TXNDC5: variants seen among roughly 807,000 people sequenced by gnomAD.
TXNDC5 encodes the protein thioredoxin domain containing 5.
A neutral mutation model predicts 52.6 loss-of-function variants in TXNDC5; 44 were observed. The ratio of observed to expected loss-of-function variants is 0.84; its 90% CI spans 0.66 to 1.08. The LOEUF (loss-of-function observed/expected upper bound fraction) is 1.08, where lower values mean the gene tolerates loss of function less well. Ranked by LOEUF, TXNDC5 falls within the 50% of genes least tolerant of loss-of-function variation. TXNDC5 has a pLI of 0.00. For synonymous variants in TXNDC5, 241 were observed against 234.4 expected (o/e 1.03, Z -0.26); for missense variants, 600 against 565.5 (o/e 1.06, Z -0.62).
Position 7,891,601 on chromosome 6 carries a change from T to TAA in TXNDC5, c.732+18_732+19dup. The TAA allele has an allele frequency of 6.2e-7, 1 of 1,603,586 alleles. No individual in the cohort carries two copies. Among genetic ancestry groups the TAA allele is most frequent in the Non-Finnish European group, 8.5e-7 (1 of 1,171,100 alleles). ...AGCCCAAAGCAGTCCATTTCCAGTT[T>TAA]AATAAGGGCTTTCACTCACCTTGCC... is the stretch of plus-strand genomic sequence containing the variant. On this transcript the variant is annotated intron_variant, in intron 5 of 9. Coordinates refer to ENST00000379757, the MANE Select transcript of TXNDC5 (RefSeq NM_030810.5).
Position 7,895,128 on chromosome 6 carries a change from GTTGC to G in TXNDC5, c.590_593del (p.Ser197ThrfsTer89). 1 of 1,613,846 alleles carries G rather than the reference GTTGC, an allele frequency of 6.2e-7. No homozygotes were observed. Among genetic ancestry groups the G allele is most frequent in the South Asian group, 1.1e-5 (1 of 90,908 alleles). On this transcript the variant is annotated frameshift_variant, in exon 4 of 10. Coordinates refer to ENST00000379757, the MANE Select transcript of TXNDC5 (RefSeq NM_030810.5). LOFTEE classifies it high-confidence loss of function. ...TACCTTGTGCAACGTGCAGCTCAAA[GTTGC>G]TTGCTGAGAGCTCATACAGCCCTTG...
intron 3 of TXNDC5, 24 bp from the exon 4 acceptor site, chr6:7,895,226 C>T (rs368988808): frequency 2.9e-5 from 46 of 1,598,244 alleles, no homozygotes; most frequent in East Asian, 1.8e-4. Context: ...ATAAAACAGT[C>T]ATGGGTGTGT....
chr6:7,891,681 A>T lies in TXNDC5; in HGVS notation c.672T>A (p.Ala224=). Reference sequence around the variant, plus strand: ...CCAGAGCCAGCTGCTCCCAGGTTGGAGCCAGGGCTTTGCAGTGACCACACC... The same window carrying T: ...CCAGAGCCAGCTGCTCCCAGGTTGGTGCCAGGGCTTTGCAGTGACCACACC... ...APWCGHCKAL[A]PTWEQLALGL... Residue 224 remains alanine, a synonymous_variant, in exon 5 of 10, where the codon GCT becomes GCA. Transcript: ENST00000379757. The T allele has an allele frequency of 6.2e-7, 1 of 1,614,040 alleles. No homozygotes were observed. The highest frequency in any genetic ancestry group is 1.1e-5 in the South Asian group (1 of 91,068).
intron 1 of TXNDC5, chr6:7,910,195 T>G: frequency 1.0e-6 from 1 of 968,862 alleles, no homozygotes; most frequent in Non-Finnish European, 1.2e-6. Flanking sequence ...CCCGCTGAGC[T>G]CACGCCTCCC....
intron 4 of TXNDC5, chr6:7,894,730 G>A: frequency 1.0e-6 from 1 of 985,434 alleles, no homozygotes; most frequent in South Asian, 4.7e-5. Context: ...CGCTAGACCT[G>A]CCAGATGCTG....
intron 7 of TXNDC5, among the ~76,000 whole-genome samples, chr6:7,887,681 A>G (rs1225942): frequency 0.39 from 60,047 of 152,028 alleles, 13,298 homozygotes; most frequent in East Asian, 0.65. Flanking sequence ...CAGAGCCTCC[A>G]TGGGCTCCCT....
chr6:7,888,637 G>GGGTGGGGA, intron 7 of TXNDC5, 68 bp downstream of exon 7: 1 of 1,544,318 alleles, frequency 6.5e-7, no homozygotes, highest in South Asian at 1.2e-5. Context: ...AGGCCTCTGA[G>GGGTGGGGA]GGTGGGGAGG....
At chr6:7,907,556 T>A (rs1021344049) in intron 1 of TXNDC5, among the ~76,000 whole-genome samples, 1 of 152,240 alleles carries the variant, frequency 6.6e-6, no homozygotes, top group Non-Finnish European at 1.5e-5. Flanking sequence ...CACAGATTGA[T>A]GTTTTTGTTA....
chr6:7,897,717 T>C (rs775304164), intron 3 of TXNDC5, among the ~76,000 whole-genome samples: 22 of 152,124 alleles, frequency 1.4e-4, no homozygotes, highest in Non-Finnish European at 2.5e-4. Context: ...AAATGGGCCA[T>C]GAGATGAGGT....
intron 1 of TXNDC5, chr6:7,909,941 C>T (rs565487496): frequency 3.0e-6 from 3 of 986,070 alleles, no homozygotes; most frequent in Admixed American, 6.1e-5. Flanking sequence ...ACGGGCAGGC[C>T]GCGCGTCCGG....
chr6:7,906,112 A>C (rs1438799614), intron 1 of TXNDC5, among the ~76,000 whole-genome samples: 3 of 148,156 alleles, frequency 2.0e-5, no homozygotes, highest in Non-Finnish European at 4.4e-5. Context: ...GTGGTGGCAC[A>C]CACCTGCAGT....
chr6:7,894,961 G>A (rs1039213933), intron 4 of TXNDC5, 145 bp downstream of exon 4: 3 of 1,430,058 alleles, frequency 2.1e-6, no homozygotes, highest in East Asian at 2.5e-5. Context: ...ACTGAACAAC[G>A]GTCCCAACAG....
chr6:7,900,934 G>A (rs1488952130), intron 2 of TXNDC5, among the ~76,000 whole-genome samples: 3 of 149,836 alleles, frequency 2.0e-5, no homozygotes, highest in Non-Finnish European at 4.4e-5. Context: ...ATGAATGCTG[G>A]GGTACACACA....
chr6:7,888,664 A>C, intron 7 of TXNDC5, 41 bp downstream of exon 7: 3 of 1,575,872 alleles, frequency 1.9e-6, no homozygotes, highest in Non-Finnish European at 2.6e-6. Context: ...GCCGGGGGCC[A>C]CGGGCCACTT....
intron 4 of TXNDC5, among the ~76,000 whole-genome samples, chr6:7,894,251 CT>C (rs1203001654): frequency 6.6e-6 from 1 of 151,408 alleles, no homozygotes; most frequent in African/African-American, 2.4e-5. Flanking sequence ...CAGGAGTGCG[CT>C]TACCATACCC....
At chr6:7,905,222 C>A (rs540670969) in intron 1 of TXNDC5, among the ~76,000 whole-genome samples, 1 of 152,360 alleles carries the variant, frequency 6.6e-6, no homozygotes, top group South Asian at 2.1e-4. Context: ...ACTCCCCGGG[C>A]TGTTCAGCAC....
intron 1 of TXNDC5, among the ~76,000 whole-genome samples, chr6:7,905,674 C>T (rs1419568443): frequency 2.0e-5 from 3 of 152,186 alleles, no homozygotes; most frequent in East Asian, 1.9e-4. Context: ...GTGCCATACT[C>T]GAATTTTGAA....
chr6:7,902,566 T>C (rs1430391609), intron 2 of TXNDC5, among the ~76,000 whole-genome samples: 2 of 151,966 alleles, frequency 1.3e-5, no homozygotes, highest in African/African-American at 4.8e-5. Flanking sequence ...GCACTTGTCT[T>C]AGAGGAGTCA....
At chr6:7,895,319 T>C in intron 3 of TXNDC5, 117 bp from the exon 4 acceptor site, 1 of 844,158 alleles carries the variant, frequency 1.2e-6, no homozygotes, top group Non-Finnish European at 1.9e-6. Context: ...CCCAACAACC[T>C]GGAACCCTTG....
Sources: allele counts gnomAD v4.1 joint callset (sites outside exome capture counted in the v4.1 genomes callset), GRCh38; gene constraint gnomAD v4.1.1; transcripts MANE v1.5; gene names NCBI Gene and HGNC (gene_info 2026-07-23, HGNC 2026-07-21).